Variants in IFFO2 observed in about 807,000 individuals in gnomAD.
IFFO2 encodes intermediate filament family orphan 2.
Under a neutral mutation model 53.5 loss-of-function variants are expected in IFFO2, and 19 were observed. The observed-to-expected ratio is 0.36, with a 90% CI of 0.25 to 0.52. The LOEUF is 0.52. Among genes scored for constraint, IFFO2 ranks in the 20% least tolerant of loss-of-function variants. The probability of loss-of-function intolerance (pLI) is 0.94; values close to 1 mark genes in which losing one functional copy is unlikely to be tolerated. For missense variants in IFFO2, 570 were observed against 727.4 expected (o/e 0.78, Z 2.49); for synonymous variants, 303 against 313.6 (o/e 0.97, Z 0.36).
At chr1:18,922,097 C>A (rs547327764) in intron 1 of IFFO2, among the ~76,000 whole-genome samples, 1 of 152,278 alleles carries the variant, frequency 6.6e-6, no homozygotes, top group Admixed American at 6.5e-5. Flanking sequence ...ACAAGCTGAA[C>A]CCAAGGCCAG....
At position 18,914,043 on chromosome 1, in the gene IFFO2, G is replaced by A. The variant is rs184679942; in HGVS notation, c.1104-1960C>T. Among the ~76,000 whole-genome samples the A allele has an allele frequency of 6.9e-3, 1,056 of 152,256 alleles. 13 individuals are homozygous for A. Among genetic ancestry groups the A allele is most frequent in the African/African-American group, 0.024 (1,004 of 41,548 alleles). ...AGACAGCGTTTCACCGTGTTAGCCA[G>A]GATGGTCTCGATCTCCTGACCTCGT... is the stretch of plus-strand genomic sequence containing the variant. On this transcript the variant is annotated intron_variant, in intron 5 of 8. Coordinates refer to ENST00000455833, the MANE Select transcript of IFFO2 (RefSeq NM_001136265.2).
chr1:18,956,297 C>A lies in IFFO2; in HGVS notation c.36G>T (p.Leu12Phe). The A allele has an allele frequency of 1.8e-6, 1 of 555,708 alleles. No individual in the cohort carries two copies. The highest frequency in any genetic ancestry group is 2.4e-6 in the Non-Finnish European group (1 of 408,348). The allele number at this position is 555,708 out of a possible 1,614,324, so 34.4% of individuals were successfully genotyped here. The change falls in exon 1 of 9, where the codon TTG (leucine) becomes TTT (phenylalanine). Residue 12 changes from leucine to phenylalanine, a missense_variant. Transcript: ENST00000455833. This position sits in a 1 kb window ranked among gnomAD's most constrained non-coding sequence, Gnocchi z 6.4. ...VNSLLFGEMA[L>F]AFGCPPGGGG... ...CGCCGCCCGGCGGGCAGCCGAAGGC[C>A]AAGGCCATCTCCCCGAACAGCAGCG...
chr1:18,912,210 G>C, intron 5 of IFFO2, 127 bp from the exon 6 acceptor site: 1 of 1,125,948 alleles, frequency 8.9e-7, no homozygotes, highest in Non-Finnish European at 1.2e-6. Context: ...AAAGACAGGG[G>C]TAGTAAGCCA....
At position 18,911,949 on chromosome 1, in the gene IFFO2, G is replaced by A; in HGVS notation, c.1224+14C>T. The A allele has an allele frequency of 6.4e-7, 1 of 1,551,484 alleles. No individual in the cohort carries two copies. Among genetic ancestry groups the A allele is most frequent in the Non-Finnish European group, 8.7e-7 (1 of 1,146,884 alleles). On this transcript the variant is annotated intron_variant, in intron 6 of 8. Coordinates refer to ENST00000455833, the MANE Select transcript of IFFO2 (RefSeq NM_001136265.2). ...CCTAGTCCTGGCCTTTGGGAAGCCAGGCGCTGGGCTTACCTCGCCCTGCAG... is the reference window on the plus strand; with the variant it reads ...CCTAGTCCTGGCCTTTGGGAAGCCAAGCGCTGGGCTTACCTCGCCCTGCAG...
chr1:18,926,658 T>C (rs1182014386), intron 1 of IFFO2, among the ~76,000 whole-genome samples: 3 of 152,142 alleles, frequency 2.0e-5, no homozygotes, highest in African/African-American at 7.2e-5. Context: ...TCTGCTGGCC[T>C]CTGGGGAAAA....
chr1:18,909,786 C>A (rs746549206), intron 8 of IFFO2, among the ~76,000 whole-genome samples: 1 of 151,690 alleles, frequency 6.6e-6, no homozygotes, highest in Admixed American at 6.6e-5. Context: ...TTTTTTGAGA[C>A]GGGGTCTTGC....
chr1:18,913,902 C>T (rs1316860059), intron 5 of IFFO2, among the ~76,000 whole-genome samples: 2 of 152,180 alleles, frequency 1.3e-5, no homozygotes, highest in African/African-American at 2.4e-5. Flanking sequence ...GCGATCTCGG[C>T]TCACTGCAGG....
At chr1:18,955,611 G>A (rs900517572) in intron 1 of IFFO2, 57 bp downstream of exon 1, 14 of 1,503,452 alleles carry the variant, frequency 9.3e-6, no homozygotes, top group South Asian at 7.4e-5. Context: ...CGCATTCCGC[G>A]GCAGCCTGGA....
chr1:18,923,363 T>C (rs1209788300), intron 1 of IFFO2, among the ~76,000 whole-genome samples: 1 of 152,140 alleles, frequency 6.6e-6, no homozygotes, highest in African/African-American at 2.4e-5. Flanking sequence ...AGAACCCTTG[T>C]ACAGACGGAG....
At chr1:18,922,129 G>A (rs1936224402) in intron 1 of IFFO2, among the ~76,000 whole-genome samples, 1 of 152,180 alleles carries the variant, frequency 6.6e-6, no homozygotes. Flanking sequence ...GTGGAACTAG[G>A]ACTGAAACCC....
In IFFO2 at chr1:18,908,243, C is replaced by T; in HGVS notation, c.*318G>A. The stretch of plus-strand genomic sequence containing the variant: ...ACCTGCTAGGAATAATTCTTTGGAG[C>T]TCAAAGTGGCTCAGCTTAAGGGAGA... On this transcript the variant is annotated 3_prime_UTR_variant, in exon 9 of 9. Coordinates refer to ENST00000455833, the MANE Select transcript of IFFO2 (RefSeq NM_001136265.2). 3.1e-6 allele frequency: 1 copy of T among 327,214 alleles called. No homozygotes were observed. Among genetic ancestry groups the T allele is most frequent in the East Asian group, 6.8e-5 (1 of 14,648 alleles). 20.3% of individuals were successfully genotyped at this position (327,214 alleles called of 1,614,324 possible). A position where few individuals can be genotyped will look rare whatever the true frequency, so the allele number is the denominator to read the frequency against.
At chr1:18,925,175 G>A (rs1044087281) in intron 1 of IFFO2, among the ~76,000 whole-genome samples, 1 of 152,088 alleles carries the variant, frequency 6.6e-6, no homozygotes, top group Non-Finnish European at 1.5e-5. Flanking sequence ...AAATCCCGCT[G>A]AGCCCTCCCC....
chr1:18,923,866 C>A (rs1936247321), intron 1 of IFFO2, among the ~76,000 whole-genome samples: 1 of 152,208 alleles, frequency 6.6e-6, no homozygotes, highest in Admixed American at 6.5e-5. Flanking sequence ...CCACACAACC[C>A]AGCCCCTCCA....
At chr1:18,930,944 G>A (rs960685995) in intron 1 of IFFO2, among the ~76,000 whole-genome samples, 3 of 152,204 alleles carry the variant, frequency 2.0e-5, no homozygotes, top group Admixed American at 6.5e-5. Flanking sequence ...GCTGAGGCAG[G>A]AGGATCATTT....
At chr1:18,948,033 G>C (rs1407617191) in intron 1 of IFFO2, among the ~76,000 whole-genome samples, 1 of 152,188 alleles carries the variant, frequency 6.6e-6, no homozygotes, top group Non-Finnish European at 1.5e-5. Flanking sequence ...TCACCTCTCT[G>C]AACCTCTCAT....
chr1:18,931,813 C>T (rs1167233024), intron 1 of IFFO2, among the ~76,000 whole-genome samples: 2 of 152,156 alleles, frequency 1.3e-5, no homozygotes, highest in South Asian at 2.1e-4. Flanking sequence ...GGTGTCTCGT[C>T]GGCTCCATAA....
chr1:18,953,708 G>C (rs978408684), intron 1 of IFFO2, among the ~76,000 whole-genome samples: 1 of 152,098 alleles, frequency 6.6e-6, no homozygotes, highest in Non-Finnish European at 1.5e-5. Context: ...CCAGAAGGGC[G>C]GGAAGAGAGA....
chr1:18,932,829 C>G (rs1936396738), intron 1 of IFFO2, among the ~76,000 whole-genome samples: 1 of 152,216 alleles, frequency 6.6e-6, no homozygotes, highest in African/African-American at 2.4e-5. Context: ...AACACACCGA[C>G]AGTCAAGACA....
rs961204502 is a variant in IFFO2 at position 18,905,042 on chromosome 1, C to A, written c.*3519G>T. On this transcript the variant is annotated 3_prime_UTR_variant, in exon 9 of 9. Transcript: ENST00000455833. The stretch of plus-strand genomic sequence containing the variant: ...ACGCAACTGGGTTGGAAATGGATCT[C>A]GGCAGACCAGAGTCAGAGTAACTAA... 2.0e-5 allele frequency: 3 copies of A among 152,208 alleles called. No individual in the cohort carries two copies. The highest frequency in any genetic ancestry group is 4.8e-5 in the African/African-American group (2 of 41,442). The allele number at this position is 152,208 out of a possible 1,614,324, so 9.4% of individuals were successfully genotyped here.
Sources: allele counts gnomAD v4.1 joint callset (sites outside exome capture counted in the v4.1 genomes callset), GRCh38; gene constraint gnomAD v4.1.1; non-coding constraint Gnocchi (gnomAD v3.1); transcripts MANE v1.5; gene names NCBI Gene and HGNC (gene_info 2026-07-23, HGNC 2026-07-21).